The following ARID1A variants were observed in gnomAD, a reference collection of about 807,000 sequenced individuals.
ARID1A encodes the protein AT-rich interaction domain 1A.
A neutral mutation model predicts 212.6 loss-of-function variants in ARID1A; 20 were observed. That is an observed-to-expected ratio of 0.09 (90% CI 0.07 to 0.14). The LOEUF (loss-of-function observed/expected upper bound fraction) is 0.14, where lower values mean the gene tolerates loss of function less well. ARID1A is among the 10% of genes least tolerant of loss of function. ARID1A has a pLI of 1.00. For missense variants in ARID1A, 2,587 were observed against 3,059.0 expected, an observed-to-expected ratio of 0.85 and a Z score of 3.64; for synonymous variants, 1,376 against 1,222.1, an observed-to-expected ratio of 1.13 and a Z score of -2.63.
At chr1:26,768,824 TA>T (rs2081059968) in intron 11 of ARID1A, among the ~76,000 whole-genome samples, 1 of 152,164 alleles carries the variant, frequency 6.6e-6, no homozygotes, top group Non-Finnish European at 1.5e-5. Flanking sequence ...GTATGTTCTG[TA>T]GTCACCAGAC....
At chr1:26,759,816 A>G (rs1439077662) in intron 4 of ARID1A, among the ~76,000 whole-genome samples, 1 of 152,236 alleles carries the variant, frequency 6.6e-6, no homozygotes, top group Non-Finnish European at 1.5e-5. Context: ...AATTTGTTCA[A>G]TTGGCAAACA....
intron 4 of ARID1A, 72 bp from the exon 5 acceptor site, chr1:26,760,784 G>A (rs2080984065): frequency 2.7e-6 from 4 of 1,480,308 alleles, no homozygotes; most frequent in Middle Eastern, 1.8e-4. Flanking sequence ...TGCTAAGCAA[G>A]TAGTAGGATT....
At chr1:26,746,409 C>T (rs1475521976) in intron 4 of ARID1A, among the ~76,000 whole-genome samples, 1 of 152,160 alleles carries the variant, frequency 6.6e-6, no homozygotes, top group Non-Finnish European at 1.5e-5. Context: ...AGAAAACCAG[C>T]CCCCAGATGT....
At chr1:26,753,869 T>G (rs1430742900) in intron 4 of ARID1A, among the ~76,000 whole-genome samples, 1 of 152,216 alleles carries the variant, frequency 6.6e-6, no homozygotes, top group Non-Finnish European at 1.5e-5. Context: ...TGCAGTGGCG[T>G]GATCTCGGCT....
chr1:26,758,322 T>C (rs2124044749), intron 4 of ARID1A, among the ~76,000 whole-genome samples: 1 of 152,298 alleles, frequency 6.6e-6, no homozygotes, highest in East Asian at 1.9e-4. Flanking sequence ...CAGTGACTCA[T>C]GCTTATCATA....
At chr1:26,763,374 A>T (rs1419816856) in intron 8 of ARID1A, 89 bp downstream of exon 8, 2 of 1,406,504 alleles carry the variant, frequency 1.4e-6, no homozygotes, top group Middle Eastern at 1.8e-4. Flanking sequence ...GACCTAAACC[A>T]GGGGGGGAAA....
chr1:26,774,277 T>C lies in ARID1A; in HGVS notation c.4102-52T>C. The C allele has an allele frequency of 2.6e-6, 4 of 1,510,530 alleles. No individual in the cohort carries two copies. The highest frequency in any genetic ancestry group is 3.5e-6 in the Non-Finnish European group (4 of 1,130,868). 93.6% of individuals were successfully genotyped at this position (1,510,530 alleles called of 1,614,324 possible). A position where few individuals can be genotyped will look rare whatever the true frequency, so the allele number is the denominator to read the frequency against. The stretch of plus-strand genomic sequence containing the variant: ...TAGCCATCTTGGCATCTGTGGGCTT[T>C]ATGTCCCTGAGTGCAGAGTATTAAC... On this transcript the variant is annotated intron_variant, in intron 17 of 19. Coordinates refer to ENST00000324856, the MANE Select transcript of ARID1A (RefSeq NM_006015.6). The surrounding 1 kb of genome is among the most constrained non-coding windows in gnomAD (Gnocchi z 5.6).
chr1:26,702,362 C>T lies in ARID1A; in HGVS notation c.1137+4822C>T, dbSNP rs534592250. ...GAATTTCCATTCTTTCTCTTCCTGG[C>T]TTAGTAGTTTAGAAGTGTAATTTAG... On this transcript the variant is annotated intron_variant, in intron 1 of 19. Coordinates refer to ENST00000324856, the MANE Select transcript of ARID1A (RefSeq NM_006015.6). Among the ~76,000 whole-genome samples, 27 of 152,220 alleles carry T rather than the reference C, an allele frequency of 1.8e-4. 2 individuals are homozygous for T. In the South Asian group the frequency reaches 5.6e-3, roughly 32 times the overall value.
chr1:26,736,911 A>C lies in ARID1A; in HGVS notation c.1920+4119A>C, dbSNP rs527840860. Among the ~76,000 whole-genome samples the C allele has an allele frequency of 1.4e-4, 20 of 148,046 alleles. No individual in the cohort carries two copies. In the South Asian group the frequency reaches 4.1e-3, roughly 31 times the overall value. ...GAGTGAAATTCTGTCTCAAAAAAAA[A>C]AAAAAAAAAAACCCTGCACAATATA... On this transcript the variant is annotated intron_variant, in intron 4 of 19. Transcript: ENST00000324856.
chr1:26,752,003 A>C (rs979324561), intron 4 of ARID1A, among the ~76,000 whole-genome samples: 3 of 152,344 alleles, frequency 2.0e-5, no homozygotes, highest in African/African-American at 7.2e-5. Flanking sequence ...ATACAAACCA[A>C]GTTTTTGGAA....
intron 4 of ARID1A, among the ~76,000 whole-genome samples, chr1:26,746,385 A>G (rs746609958): frequency 3.3e-5 from 5 of 152,158 alleles, no homozygotes; most frequent in Admixed American, 2.0e-4. Context: ...GTCCAAAAAG[A>G]TCAACCAAAA....
intron 1 of ARID1A, among the ~76,000 whole-genome samples, chr1:26,709,960 T>G (rs2080434387): frequency 6.6e-6 from 1 of 151,114 alleles, no homozygotes; most frequent in Non-Finnish European, 1.5e-5. Flanking sequence ...GCCTCCCGAG[T>G]AGCTGGGATT....
Position 26,729,859 on chromosome 1 carries a change from A to G in ARID1A, c.1346A>G (p.Gln449Arg), listed in dbSNP as rs1417373784. The change falls in exon 2 of 20, where the codon CAG (glutamine) becomes CGG (arginine). Residue 449 changes from glutamine to arginine, a missense_variant. Coordinates refer to ENST00000324856, the MANE Select transcript of ARID1A (RefSeq NM_006015.6). ...GCCATGGGCGGCCTCTCTTATACAC[A>G]GCAGGTAGATGGTGATTGTGATTAC... ...QSAMGGLSYTQQIPPYGQQGP... is the reference protein window; with the variant it reads ...QSAMGGLSYTRQIPPYGQQGP... 6.2e-7 allele frequency: 1 copy of G among 1,613,500 alleles called. No individual in the cohort carries two copies. Among genetic ancestry groups the G allele is most frequent in the South Asian group, 1.1e-5 (1 of 91,060 alleles).
chr1:26,725,479 G>A (rs2080607432), intron 1 of ARID1A, among the ~76,000 whole-genome samples: 1 of 152,152 alleles, frequency 6.6e-6, no homozygotes, highest in South Asian at 2.1e-4. Context: ...TTTTACATGA[G>A]ATCAGAATAA....
At chr1:26,707,529 G>A (rs913314251) in intron 1 of ARID1A, among the ~76,000 whole-genome samples, 4 of 152,026 alleles carry the variant, frequency 2.6e-5, no homozygotes, top group African/African-American at 9.7e-5. Context: ...TTTTAGTAGA[G>A]ATGGGGTTTC....
intron 1 of ARID1A, among the ~76,000 whole-genome samples, chr1:26,701,377 G>A (rs1434930300): frequency 6.6e-6 from 1 of 152,080 alleles, no homozygotes; most frequent in South Asian, 2.1e-4. Context: ...TTATCTCTGG[G>A]TTTTTCCTTG....
chr1:26,770,312 G>A (rs1288678460), intron 11 of ARID1A: 2 of 152,058 alleles, frequency 1.3e-5, no homozygotes, highest in Non-Finnish European at 2.9e-5. Flanking sequence ...GGGGAGCAGT[G>A]GCACAAGAAT....
At chr1:26,748,723 G>A (rs368667334) in intron 4 of ARID1A, among the ~76,000 whole-genome samples, 2 of 151,688 alleles carry the variant, frequency 1.3e-5, no homozygotes, top group Admixed American at 6.6e-5. Context: ...GAAGCCTTTG[G>A]GGGGCAGGGT....
intron 1 of ARID1A, among the ~76,000 whole-genome samples, chr1:26,703,983 G>A (rs2080363432): frequency 6.6e-6 from 1 of 152,176 alleles, no homozygotes; most frequent in African/African-American, 2.4e-5. Context: ...GGTTAACCTG[G>A]GACAGCTTTT....
Sources: allele counts gnomAD v4.1 joint callset (sites outside exome capture counted in the v4.1 genomes callset), GRCh38; gene constraint gnomAD v4.1.1; non-coding constraint Gnocchi (gnomAD v3.1); transcripts MANE v1.5; gene names NCBI Gene and HGNC (gene_info 2026-07-23, HGNC 2026-07-21).